Variants in RPGRIP1 observed in about 807,000 individuals in gnomAD.
RPGRIP1 encodes the protein RPGR interacting protein 1.
Under a neutral mutation model 157.9 loss-of-function variants are expected in RPGRIP1, and 128 were observed. The ratio of observed to expected loss-of-function variants is 0.81; its 90% CI spans 0.70 to 0.94. RPGRIP1 has a LOEUF of 0.94. Ranked by LOEUF, RPGRIP1 falls within the 40% of genes least tolerant of loss-of-function variation. RPGRIP1 has a pLI of 0.00. For missense variants in RPGRIP1, 1,486 were observed against 1,545.8 expected (o/e 0.96, Z 0.65); for synonymous variants, 554 against 571.6 (o/e 0.97, Z 0.44).
intron 17 of RPGRIP1, among the ~76,000 whole-genome samples, chr14:21,327,377 TA>T (rs1412113119): frequency 6.6e-6 from 1 of 152,204 alleles, no homozygotes; most frequent in Non-Finnish European, 1.5e-5. Flanking sequence ...CTCCTTTTCA[TA>T]CACCCTTCAC....
At chr14:21,327,935 A>T in intron 18 of RPGRIP1, 128 bp downstream of exon 18, 1 of 654,706 alleles carries the variant, frequency 1.5e-6, no homozygotes, top group Non-Finnish European at 2.4e-6. Flanking sequence ...TTGGGAGGCC[A>T]TGGCAGGCGA....
chr14:21,328,350 C>A, intron 18 of RPGRIP1, 74 bp from the exon 19 acceptor site: 1 of 1,099,190 alleles, frequency 9.1e-7, no homozygotes, highest in Non-Finnish European at 1.3e-6. Context: ...AACACTAGTT[C>A]CCAAATCCCT....
In RPGRIP1 at chr14:21,302,576, C is replaced by T. The variant is rs754227744; in HGVS notation, c.579C>T (p.Pro193=). ...ACAGAGGTGAAGTAGCCAGTAAACC[C>T]AGTGAACTGTGAGTTCTTCTCATTT... is the stretch of plus-strand genomic sequence containing the variant. ...NENRGEVASK[P]SELVSGSNSI... Residue 193 remains proline, a synonymous_variant, in exon 5 of 25, where the codon CCC becomes CCT. Transcript: ENST00000400017. 6.4e-7 allele frequency: 1 copy of T among 1,559,058 alleles called. No individual in the cohort carries two copies. Among genetic ancestry groups the T allele is most frequent in the Middle Eastern group, 1.7e-4 (1 of 5,942 alleles).
chr14:21,330,840 G>T (rs570051365), intron 20 of RPGRIP1, among the ~76,000 whole-genome samples: 3 of 152,210 alleles, frequency 2.0e-5, no homozygotes, highest in Non-Finnish European at 2.9e-5. Context: ...GTTAACCAAG[G>T]CTGGAATTCT....
chr14:21,297,669 G>A (rs572619275), intron 3 of RPGRIP1, among the ~76,000 whole-genome samples: 1 of 152,202 alleles, frequency 6.6e-6, no homozygotes, highest in Admixed American at 6.6e-5. Flanking sequence ...ATGCACACCA[G>A]GGGAACTAAA....
At chr14:21,335,912 A>C (rs1884314981) in intron 21 of RPGRIP1, among the ~76,000 whole-genome samples, 1 of 152,226 alleles carries the variant, frequency 6.6e-6, no homozygotes, top group African/African-American at 2.4e-5. Context: ...AATTACTCTT[A>C]AGTCGCTGCT....
At chr14:21,322,454 C>T (rs145147774) in intron 14 of RPGRIP1, among the ~76,000 whole-genome samples, 37 of 152,272 alleles carry the variant, frequency 2.4e-4, no homozygotes, top group African/African-American at 5.1e-4. Flanking sequence ...CCACTGCGCC[C>T]GGCCCATCTT....
intron 2 of RPGRIP1, among the ~76,000 whole-genome samples, chr14:21,290,955 G>T (rs1408758736): frequency 2.7e-5 from 4 of 150,670 alleles, no homozygotes; most frequent in African/African-American, 9.8e-5. Flanking sequence ...GAGCCGAGAT[G>T]GTGCCACTGC....
rs140189910 is a variant in RPGRIP1 at position 21,282,774 on chromosome 14, T to C, written c.-39+2615T>C. 9.9e-5 allele frequency among the ~76,000 whole-genome samples: 15 copies of C among 152,028 alleles called. 1 individual carries two copies. In the East Asian group the frequency reaches 2.9e-3, roughly 30 times the overall value. ...ACAGGCGCGTGCCACCACACCCGGC[T>C]AATTTTTTGTATTTTGTAGTAGAGA... is the stretch of plus-strand genomic sequence containing the variant. On this transcript the variant is annotated intron_variant, in intron 1 of 24. Coordinates refer to ENST00000400017, the MANE Select transcript of RPGRIP1 (RefSeq NM_020366.4).
chr14:21,326,125 C>G lies in RPGRIP1; in HGVS notation c.2662C>G (p.Arg888Gly). 1.2e-6 allele frequency: 2 copies of G among 1,600,930 alleles called. No homozygotes were observed. Among genetic ancestry groups the G allele is most frequent in the Non-Finnish European group, 1.7e-6 (2 of 1,171,668 alleles). The change falls in exon 17 of 25, where the codon CGA becomes GGA. Residue 888 changes from arginine to glycine, a missense_variant. By Grantham distance (125) the Arg-to-Gly change is moderately radical. Coordinates refer to ENST00000400017, the MANE Select transcript of RPGRIP1 (RefSeq NM_020366.4). ...CTTAGAGCCTGGCTCGTATCTTGGC[C>G]GAGCCCGAGTGCCTTTACTGCCTCT... is the stretch of plus-strand genomic sequence containing the variant. ...EDLEPGSYLGRARVPLLPLAK... is the reference protein window; with the variant it reads ...EDLEPGSYLGGARVPLLPLAK...
intron 1 of RPGRIP1, among the ~76,000 whole-genome samples, chr14:21,282,482 C>T (rs1485427355): frequency 2.6e-5 from 4 of 152,084 alleles, no homozygotes; most frequent in Non-Finnish European, 5.9e-5. Context: ...ATGATCAGCC[C>T]GCCTCAGCCT....
At chr14:21,333,429 A>C (rs1318895481) in intron 20 of RPGRIP1, among the ~76,000 whole-genome samples, 1 of 152,216 alleles carries the variant, frequency 6.6e-6, no homozygotes, top group Non-Finnish European at 1.5e-5. Context: ...TTTACAGAAG[A>C]GGCACAGCTT....
Position 21,351,087 on chromosome 14 carries a change from T to C in RPGRIP1, c.3749-17T>C. ...GTGTTCAACTGAGTGATGCTGTTTT[T>C]TTCCCTTTCCCAACAGTTGTTAGCC... On this transcript the variant is annotated splice_polypyrimidine_tract_variant and intron_variant, in intron 24 of 24. Transcript: ENST00000400017. The C allele has an allele frequency of 6.7e-7, 1 of 1,500,792 alleles. No homozygotes were observed. The highest frequency in any genetic ancestry group is 9.2e-7 in the Non-Finnish European group (1 of 1,084,906). The allele number at this position is 1,500,792 out of a possible 1,614,324, so 93.0% of individuals were successfully genotyped here. A position where few individuals can be genotyped will look rare whatever the true frequency, so the allele number is the denominator to read the frequency against.
At chr14:21,313,159 G>A (rs113482389) in intron 10 of RPGRIP1, among the ~76,000 whole-genome samples, 2,023 of 151,670 alleles carry the variant, frequency 0.013, 25 homozygotes, top group Middle Eastern at 0.1. Context: ...GGGGGCTGGG[G>A]GGAATCAAAA....
intron 20 of RPGRIP1, among the ~76,000 whole-genome samples, chr14:21,334,321 TCTTC>T (rs1884106287): frequency 6.6e-6 from 1 of 152,122 alleles, no homozygotes; most frequent in Non-Finnish European, 1.5e-5. Flanking sequence ...GGACTTCCTT[TCTTC>T]CTTCCTTACT....
chr14:21,325,148 T>C, intron 15 of RPGRIP1, 78 bp downstream of exon 15: 28 of 1,537,632 alleles, frequency 1.8e-5, no homozygotes, highest in Non-Finnish European at 2.3e-5. Context: ...TTTCTGGTGG[T>C]TTCTTATTTT....
Position 21,287,938 on chromosome 14 carries a change from G to A in RPGRIP1, c.-38-1G>A. ...CTGACTGGACTTTTCCTTTATTTCA[G>A]TGTCCTCTGGGATCTCTTACAGCTT... On this transcript the variant is annotated splice_acceptor_variant, in intron 1 of 24. Transcript: ENST00000400017. LOFTEE classifies it low-confidence loss of function (5UTR_SPLICE). The A allele has an allele frequency of 1.4e-6, 2 of 1,390,716 alleles. No individual in the cohort carries two copies. The highest frequency in any genetic ancestry group is 2.0e-6 in the Non-Finnish European group (2 of 988,750). 86.1% of individuals were successfully genotyped at this position (1,390,716 alleles called of 1,614,324 possible).
chr14:21,342,189 G>T (rs905760188), intron 21 of RPGRIP1, among the ~76,000 whole-genome samples: 1 of 152,076 alleles, frequency 6.6e-6, no homozygotes, highest in Non-Finnish European at 1.5e-5. Context: ...TGAATCTCCA[G>T]TATCAGTCAG....
At chr14:21,304,389 G>GAGAAAA (rs140321081) in intron 6 of RPGRIP1, among the ~76,000 whole-genome samples, 1,570 of 121,026 alleles carry the variant, frequency 0.013, 13 homozygotes, top group African/African-American at 0.021. Flanking sequence ...GAAGGAGAGA[G>GAGAAAA]AGAAAGAAAG....
Sources: gnomAD v4.1 joint callset for allele counts (sites outside exome capture counted in the v4.1 genomes callset) on GRCh38, gnomAD v4.1.1 for gene constraint, MANE v1.5 for transcripts, NCBI Gene and HGNC (gene_info 2026-07-23, HGNC 2026-07-21) for gene names.